SLC4A4: variants seen among roughly 807,000 people sequenced by gnomAD.
SLC4A4 encodes solute carrier family 4 member 4.
A neutral mutation model predicts 111.5 loss-of-function variants in SLC4A4; 27 were observed. That is an observed-to-expected ratio of 0.24 (90% confidence interval 0.18 to 0.33). SLC4A4 has a LOEUF of 0.33. Ranked by LOEUF, SLC4A4 falls within the 10% of genes least tolerant of loss-of-function variation. The pLI is 1.00. For missense variants in SLC4A4, 909 were observed against 1,315.5 expected (o/e 0.69, Z 4.78); for synonymous variants, 443 against 463.4 (o/e 0.96, Z 0.57).
intron 7 of SLC4A4, among the ~76,000 whole-genome samples, chr4:71,426,366 A>G (rs539906986): frequency 6.6e-6 from 1 of 152,202 alleles, no homozygotes; most frequent in South Asian, 2.1e-4. Flanking sequence ...GATACTCGAA[A>G]CACAGCTGGT....
In SLC4A4 at chr4:71,507,511, G is replaced by A. The variant is rs186842489; in HGVS notation, c.2166+9819G>A. 3.9e-5 allele frequency among the ~76,000 whole-genome samples: 6 copies of A among 152,242 alleles called. No individual in the cohort carries two copies. The East Asian group carries it at 1.2e-3, about 29-fold the overall frequency. On this transcript the variant is annotated intron_variant, in intron 16 of 25. Transcript: ENST00000264485. ...AAAAAGACAAAAGGTATTACATAAT[G>A]GTAAAGGGTTCAGTTCAACAAGAAG...
chr4:71,101,706 A>G (rs998332173), intron 2 of SLC4A4, among the ~76,000 whole-genome samples: 34 of 152,236 alleles, frequency 2.2e-4, no homozygotes, highest in Non-Finnish European at 1.0e-4. Context: ...CTGCAGCTGA[A>G]GGTCCTGTCT....
chr4:71,432,308 G>A (rs1023682259), intron 7 of SLC4A4, among the ~76,000 whole-genome samples: 1 of 152,090 alleles, frequency 6.6e-6, no homozygotes, highest in African/African-American at 2.4e-5. Context: ...TGTTAATAAC[G>A]GGAACTCTCT....
intron 7 of SLC4A4, among the ~76,000 whole-genome samples, chr4:71,438,242 C>T (rs1724351054): frequency 6.6e-6 from 1 of 152,154 alleles, no homozygotes; most frequent in Admixed American, 6.5e-5. Flanking sequence ...TGCACCTTTG[C>T]AATTATTTTT....
chr4:71,306,040 G>T (rs1305402175), intron 3 of SLC4A4, among the ~76,000 whole-genome samples: 1 of 152,210 alleles, frequency 6.6e-6, no homozygotes, highest in Admixed American at 6.5e-5. Context: ...ATACTGATTT[G>T]CAAGCTGGAC....
intron 2 of SLC4A4, among the ~76,000 whole-genome samples, chr4:71,176,028 C>T (rs1304039200): frequency 1.3e-5 from 2 of 152,222 alleles, no homozygotes; most frequent in Non-Finnish European, 2.9e-5. Context: ...CCAATATCCG[C>T]TGTTCTGTAG....
chr4:71,425,927 A>C (rs1406220540), intron 7 of SLC4A4, among the ~76,000 whole-genome samples: 2 of 152,102 alleles, frequency 1.3e-5, no homozygotes, highest in East Asian at 3.9e-4. Flanking sequence ...AAGGTGCCAG[A>C]AGATCAGGGA....
intron 1 of SLC4A4, among the ~76,000 whole-genome samples, chr4:71,203,766 A>T (rs957000754): frequency 6.6e-6 from 1 of 152,226 alleles, no homozygotes; most frequent in Non-Finnish European, 1.5e-5. Flanking sequence ...AGGTTAATCA[A>T]GTCTTGGGAT....
rs1035061549 is a variant in SLC4A4, at chr4:71,569,676, C to A, written c.*1925C>A. On this transcript the variant is annotated 3_prime_UTR_variant, in exon 26 of 26. Coordinates refer to ENST00000264485, the MANE Select transcript of SLC4A4 (RefSeq NM_001098484.3). ...GGGGTATACTAGAAGCAGAATGAAA[C>A]CACATTTTTTGGTTTGATAATATGC... 2 of 151,554 alleles carry A rather than the reference C, an allele frequency of 1.3e-5. No homozygotes were observed. Among genetic ancestry groups the A allele is most frequent in the African/African-American group, 4.8e-5 (2 of 41,330 alleles). The allele number at this position is 151,554 out of a possible 1,614,324, so 9.4% of individuals were successfully genotyped here.
intron 9 of SLC4A4, among the ~76,000 whole-genome samples, chr4:71,448,491 G>C (rs1376648502): frequency 6.6e-6 from 1 of 151,906 alleles, no homozygotes; most frequent in Non-Finnish European, 1.5e-5. Context: ...TTTTTCTTAG[G>C]TATCAGAAAG....
chr4:71,381,717 A>T (rs958223470), intron 6 of SLC4A4, among the ~76,000 whole-genome samples: 1 of 152,122 alleles, frequency 6.6e-6, no homozygotes, highest in African/African-American at 2.4e-5. Context: ...GAGAGCTACC[A>T]GTTAGACCTT....
At chr4:71,192,597 T>C (rs972978448) in intron 1 of SLC4A4, among the ~76,000 whole-genome samples, 3 of 152,150 alleles carry the variant, frequency 2.0e-5, no homozygotes, top group African/African-American at 7.2e-5. Context: ...ACTATTTAGA[T>C]TTGGACTCTT....
intron 3 of SLC4A4, among the ~76,000 whole-genome samples, chr4:71,274,059 A>G (rs1722895915): frequency 6.6e-6 from 1 of 152,216 alleles, no homozygotes; most frequent in Admixed American, 6.5e-5. Flanking sequence ...TCAGAACTTA[A>G]CTACTAATAG....
Position 71,466,483 on chromosome 4 carries a change from G to A in SLC4A4, c.1537G>A (p.Ala513Thr). ...ESFLGTAVSGAIFCLFAGQPL... is the reference protein window; with the variant it reads ...ESFLGTAVSGTIFCLFAGQPL... ...TTTCCTGGGCACTGCTGTCTCTGGA[G>A]CCATCTTTTGCCTTTTTGCTGGTCA... is the stretch of plus-strand genomic sequence containing the variant. Residue 513 changes from alanine to threonine, a missense_variant, in exon 13 of 26, where the codon GCC becomes ACC. Physicochemically the swap from Ala to Thr is moderately conservative, Grantham distance 58. Around this residue, in one of 7 missense-constraint regions of SLC4A4, gnomAD observed 23 missense variants for 77.7 expected, o/e 0.30. Coordinates refer to ENST00000264485, the MANE Select transcript of SLC4A4 (RefSeq NM_001098484.3). 1 of 1,613,644 alleles carries A rather than the reference G, an allele frequency of 6.2e-7. No individual in the cohort carries two copies. The highest frequency in any genetic ancestry group is 8.5e-7 in the Non-Finnish European group (1 of 1,179,710).
intron 3 of SLC4A4, among the ~76,000 whole-genome samples, chr4:71,273,516 C>T (rs1008534917): frequency 6.6e-6 from 1 of 152,014 alleles, no homozygotes; most frequent in African/African-American, 2.4e-5. Context: ...TCCCCAGGGC[C>T]AAAAGCTAGT....
chr4:71,147,796 C>T (rs1405592032), intron 2 of SLC4A4, among the ~76,000 whole-genome samples: 1 of 152,100 alleles, frequency 6.6e-6, no homozygotes, highest in Non-Finnish European at 1.5e-5. Context: ...AGAAAAATAG[C>T]TGTTTACCAG....
rs927185620 is a variant in SLC4A4, at chr4:71,570,225, C to T, written c.*2474C>T. 1 of 116,010 alleles carries T rather than the reference C, an allele frequency of 8.6e-6. No individual in the cohort carries two copies. Among genetic ancestry groups the T allele is most frequent in the Non-Finnish European group, 2.1e-5 (1 of 47,744 alleles). The allele number at this position is 116,010 out of a possible 1,614,324, so 7.2% of individuals were successfully genotyped here. ...ACCTTTCAAAGAACTCCTGAAGCAA[C>T]TTAACTCATCATTTCAGCCTCTGAG... On this transcript the variant is annotated 3_prime_UTR_variant, in exon 26 of 26. Coordinates refer to ENST00000264485, the MANE Select transcript of SLC4A4 (RefSeq NM_001098484.3).
chr4:71,176,174 T>A (rs1246095982), intron 2 of SLC4A4, among the ~76,000 whole-genome samples: 2 of 151,924 alleles, frequency 1.3e-5, no homozygotes, highest in Non-Finnish European at 2.9e-5. Context: ...CCAAACCCCA[T>A]CTGTACGTCA....
chr4:71,437,517 T>C (rs1724267126), intron 7 of SLC4A4: 3 of 436,792 alleles, frequency 6.9e-6, no homozygotes, highest in Non-Finnish European at 9.2e-6. Context: ...AGTTGGACTT[T>C]GCAGTGACAC....
Sources: allele counts gnomAD v4.1 joint callset (sites outside exome capture counted in the v4.1 genomes callset), GRCh38; gene constraint gnomAD v4.1.1; regional missense constraint gnomAD v4.1.1; transcripts MANE v1.5; gene names NCBI Gene and HGNC (gene_info 2026-07-23, HGNC 2026-07-21).